The following EPB41L4A variants were observed in gnomAD, a reference collection of about 807,000 sequenced individuals.
EPB41L4A encodes the protein erythrocyte membrane protein band 4.1 like 4A, also known as band 4.1-like protein 4A.
EPB41L4A carries 100 observed loss-of-function variants against 108.6 expected under a neutral mutation model. The observed-to-expected ratio is 0.92, with a 90% confidence interval of 0.78 to 1.09. The LOEUF is 1.09. Among genes scored for constraint, EPB41L4A ranks in the 50% least tolerant of loss-of-function variants. The pLI is 0.00. For missense variants in EPB41L4A, 1,030 were observed against 842.7 expected (o/e 1.22, Z -2.75); for synonymous variants, 319 against 289.0 (o/e 1.10, Z -1.05).
Position 112,313,222 on chromosome 5 carries a change from G to A in EPB41L4A, c.100-5732C>T, listed in dbSNP as rs575125340. On this transcript the variant is annotated intron_variant, in intron 1 of 22. Coordinates refer to ENST00000261486, the MANE Select transcript of EPB41L4A (RefSeq NM_022140.5). ...CTGAGAAGCCCTAGGGCTATGAAGC[G>A]ACTAAGAAACTTCTAAAAAGTGACT... is the stretch of plus-strand genomic sequence containing the variant. 9.2e-5 allele frequency among the ~76,000 whole-genome samples: 14 copies of A among 152,288 alleles called. No individual in the cohort carries two copies. The South Asian group carries it at 1.2e-3, about 14-fold the overall frequency.
chr5:112,213,350 T>TG lies in EPB41L4A; in HGVS notation c.1088-3369_1088-3368insC, dbSNP rs1431630787. On this transcript the variant is annotated intron_variant, in intron 12 of 22. Transcript: ENST00000261486. ...ACTGTTAACATGTACAGTTTTTTTT[T>TG]TTGTTTTTTTTTTTTTAAGATAGAC... 3.8e-3 allele frequency among the ~76,000 whole-genome samples: 299 copies of TG among 79,482 alleles called. 2 individuals are homozygous for TG. Among genetic ancestry groups the TG allele is most frequent in the African/African-American group, 0.012 (291 of 24,786 alleles). The allele number at this position is 79,482 out of a possible 152,430, so 52.1% of individuals were successfully genotyped here.
chr5:112,187,500 T>C (rs1320360696), intron 17 of EPB41L4A, among the ~76,000 whole-genome samples: 5 of 152,212 alleles, frequency 3.3e-5, no homozygotes, highest in Non-Finnish European at 5.9e-5. Context: ...AGACTATCCA[T>C]ACAATTTAGA....
chr5:112,267,582 G>A (rs1751951605), intron 4 of EPB41L4A, among the ~76,000 whole-genome samples: 1 of 152,008 alleles, frequency 6.6e-6, no homozygotes, highest in African/African-American at 2.4e-5. Context: ...ATCATCCCTG[G>A]CACCCACATT....
downstream of EPB41L4A, among the ~76,000 whole-genome samples, chr5:112,159,356 T>C (rs554703075): frequency 6.6e-6 from 1 of 152,328 alleles, no homozygotes; most frequent in Admixed American, 6.5e-5. Flanking sequence ...CTGCTAGGAC[T>C]TAGAGAAACA....
chr5:112,201,258 G>A (rs2150287558), intron 15 of EPB41L4A, among the ~76,000 whole-genome samples: 1 of 152,280 alleles, frequency 6.6e-6, no homozygotes, highest in South Asian at 2.1e-4. Flanking sequence ...AGGCTCTATG[G>A]ATGCTCAGGC....
At chr5:112,158,438 C>A, downstream of EPB41L4A, 1 of 437,628 alleles carries the variant, frequency 2.3e-6, no homozygotes, top group Non-Finnish European at 4.6e-6. Context: ...ATGGTGGTCA[C>A]ATACCTAAGG....
chr5:112,284,867 T>C lies in EPB41L4A; in HGVS notation c.205-4544A>G, dbSNP rs548152713. Among the ~76,000 whole-genome samples, 4 of 152,336 alleles carry C rather than the reference T, an allele frequency of 2.6e-5. No homozygotes were observed. The East Asian group carries it at 7.7e-4, about 29-fold the overall frequency. ...TTACTCTCTGACAGTCCTGGCTAAA[T>C]GCCCTTGGCTGCTTTCATCCACCTT... On this transcript the variant is annotated intron_variant, in intron 2 of 22. Coordinates refer to ENST00000261486, the MANE Select transcript of EPB41L4A (RefSeq NM_022140.5).
intron 1 of EPB41L4A, among the ~76,000 whole-genome samples, chr5:112,396,391 T>A (rs1309255490): frequency 5.9e-5 from 9 of 152,240 alleles, no homozygotes; most frequent in Admixed American, 5.9e-4. Context: ...CAGTTTTAAA[T>A]GAATTCACAC....
intron 1 of EPB41L4A, among the ~76,000 whole-genome samples, chr5:112,398,073 T>C (rs1027658288): frequency 6.6e-6 from 1 of 152,146 alleles, no homozygotes; most frequent in African/African-American, 2.4e-5. Context: ...GTTCATACAA[T>C]GATGCATAAA....
At chr5:112,223,200 A>G (rs1013640386) in intron 12 of EPB41L4A, among the ~76,000 whole-genome samples, 1 of 152,072 alleles carries the variant, frequency 6.6e-6, no homozygotes, top group Non-Finnish European at 1.5e-5. Flanking sequence ...TTGGCCTCCC[A>G]AAGTGCTGGA....
At chr5:112,376,488 T>C (rs1759828553) in intron 1 of EPB41L4A, among the ~76,000 whole-genome samples, 1 of 152,232 alleles carries the variant, frequency 6.6e-6, no homozygotes, top group African/African-American at 2.4e-5. Flanking sequence ...CTTAAGAAAT[T>C]AAACACACAA....
chr5:112,164,946 G>A lies in EPB41L4A; in HGVS notation c.*44C>T. ...TTTCACAGTTTCAAAAGTACCAGTGGCGCACACAACCTTCCCACCCCTACC... is the reference window on the plus strand; with the variant it reads ...TTTCACAGTTTCAAAAGTACCAGTGACGCACACAACCTTCCCACCCCTACC... On this transcript the variant is annotated 3_prime_UTR_variant, in exon 23 of 23. Transcript: ENST00000261486. 6.5e-7 allele frequency: 1 copy of A among 1,528,344 alleles called. No homozygotes were observed. The highest frequency in any genetic ancestry group is 8.8e-7 in the Non-Finnish European group (1 of 1,141,722). 94.7% of individuals were successfully genotyped at this position (1,528,344 alleles called of 1,614,324 possible).
chr5:112,248,243 C>A (rs1561509227), intron 9 of EPB41L4A, among the ~76,000 whole-genome samples: 1 of 152,192 alleles, frequency 6.6e-6, no homozygotes, highest in East Asian at 1.9e-4. Context: ...ATGAATTCCA[C>A]TGCCATGGCA....
chr5:112,419,765 C>A (rs150174424), upstream of EPB41L4A: 1,330 of 456,774 alleles, frequency 2.9e-3, 4 homozygotes, highest in Non-Finnish European at 4.9e-3. Context: ...TTACCCAGAC[C>A]AGCGAGGGGA....
intron 12 of EPB41L4A, among the ~76,000 whole-genome samples, chr5:112,221,967 A>C (rs1312789129): frequency 6.6e-6 from 1 of 152,214 alleles, no homozygotes; most frequent in Non-Finnish European, 1.5e-5. Context: ...GGCAGAATAG[A>C]AAAGGATGCC....
At chr5:112,380,783 TCACACACATA>T (rs749280892) in intron 1 of EPB41L4A, among the ~76,000 whole-genome samples, 99 of 120,184 alleles carry the variant, frequency 8.2e-4, no homozygotes, top group African/African-American at 2.9e-3. Flanking sequence ...CCTCTGCACA[TCACACACATA>T]CACACACACA....
At chr5:112,185,447 A>T (rs190185250) in intron 17 of EPB41L4A, among the ~76,000 whole-genome samples, 8 of 152,250 alleles carry the variant, frequency 5.3e-5, no homozygotes, top group Non-Finnish European at 1.2e-4. Context: ...GACATAATGT[A>T]AAGCAAATTC....
chr5:112,346,702 T>C (rs1035320796), intron 1 of EPB41L4A, among the ~76,000 whole-genome samples: 2 of 152,210 alleles, frequency 1.3e-5, no homozygotes, highest in African/African-American at 4.8e-5. Flanking sequence ...TGCAGAAATG[T>C]ACAAGACTAT....
At chr5:112,227,046 C>A (rs1354919710) in intron 12 of EPB41L4A, among the ~76,000 whole-genome samples, 1 of 150,962 alleles carries the variant, frequency 6.6e-6, no homozygotes, top group Non-Finnish European at 1.5e-5. Context: ...AAGAAAGACA[C>A]TTCCTAACTC....
Sources: allele counts gnomAD v4.1 joint callset (sites outside exome capture counted in the v4.1 genomes callset), GRCh38; gene constraint gnomAD v4.1.1; transcripts MANE v1.5; gene names NCBI Gene and HGNC (gene_info 2026-07-23, HGNC 2026-07-21).